Variants in ERCC6L observed in about 807,000 individuals in gnomAD.
The protein encoded by ERCC6L is DNA excision repair protein ERCC-6-like.
In ERCC6L, 7 loss-of-function variants were observed where a neutral mutation model predicts 20.1. The ratio of observed to expected loss-of-function variants is 0.35; its 90% CI spans 0.20 to 0.65. ERCC6L has a LOEUF of 0.65. ERCC6L is among the 30% of genes least tolerant of loss of function. The pLI is 0.69. For synonymous variants in ERCC6L, 278 were observed against 331.3 expected (o/e 0.84, Z 1.75); for missense variants, 592 against 892.4 (o/e 0.66, Z 4.29).
chrX:72,211,038 G>C (rs1472264599), intron 1 of ERCC6L, among the ~76,000 whole-genome samples: 2 of 112,067 alleles, frequency 1.8e-5, no homozygotes, highest in Non-Finnish European at 3.8e-5. Context: ...CTGATTATTT[G>C]CAAGACTAGA....
rs977140273 is a variant in ERCC6L at position 72,222,842 on chromosome X, C to T, written c.69-14144G>A. Among the ~76,000 whole-genome samples the T allele has an allele frequency of 1.8e-4, 19 of 106,287 alleles. No individual in the cohort carries two copies. The East Asian group carries it at 1.9e-3, about 10-fold the overall frequency. The allele number at this position is 106,287 out of a possible 115,157, so 92.3% of individuals were successfully genotyped here. On this transcript the variant is annotated intron_variant, in intron 1 of 1. Transcript: ENST00000334463. ...CGAACTCCTGACCTCGTGATCCACC[C>T]GCCTCGGCCTCCCAAAGTGCTGGGA...
At chrX:72,227,116 C>A (rs762739438) in intron 1 of ERCC6L, among the ~76,000 whole-genome samples, 1 of 111,924 alleles carries the variant, frequency 8.9e-6, no homozygotes, top group Non-Finnish European at 1.9e-5. Flanking sequence ...TAAAAAGGTT[C>A]GGTTTCTTCC....
At chrX:72,214,784 C>T (rs1391984630) in intron 1 of ERCC6L, among the ~76,000 whole-genome samples, 1 of 110,901 alleles carries the variant, frequency 9.0e-6, no homozygotes, top group Non-Finnish European at 1.9e-5. Context: ...GTCAGGAGTT[C>T]GAGATTAGCC....
intron 1 of ERCC6L, among the ~76,000 whole-genome samples, chrX:72,235,860 A>C (rs1433404862): frequency 1.8e-5 from 2 of 111,696 alleles, no homozygotes; most frequent in Non-Finnish European, 3.8e-5. Flanking sequence ...GGAGGCCATT[A>C]CTCTGCTTAC....
Position 72,206,722 on chromosome X carries a change from A to G in ERCC6L, c.2045T>C (p.Leu682Pro). ...SDHDLMYTCD[L>P]SVKEELDVVE... is the part of the protein sequence containing the mutation. ...CACATCAAGCTCTTCTTTAACAGAC[A>G]GATCACATGTGTACATCAAATCATG... is the stretch of plus-strand genomic sequence containing the variant. The change falls in exon 2 of 2, where the codon CTG becomes CCG. Residue 682 changes from leucine (L) to proline (P), a missense_variant. Transcript: ENST00000334463. 8.3e-7 allele frequency: 1 copy of G among 1,211,517 alleles called. No homozygotes were observed. The highest frequency in any genetic ancestry group is 1.1e-6 in the Non-Finnish European group (1 of 895,490).
At chrX:72,216,027 G>A (rs1206520601) in intron 1 of ERCC6L, among the ~76,000 whole-genome samples, 2 of 110,249 alleles carry the variant, frequency 1.8e-5, no homozygotes, top group Admixed American at 9.8e-5. Flanking sequence ...TTTTATCCAC[G>A]GGAGTGCCCT....
chrX:72,223,967 C>T (rs901630452), intron 1 of ERCC6L, among the ~76,000 whole-genome samples: 1 of 111,052 alleles, frequency 9.0e-6, no homozygotes, highest in Non-Finnish European at 1.9e-5. Context: ...AATGGATACA[C>T]CCTCCCTGTT....
At position 72,207,192 on chromosome X, in the gene ERCC6L, T is replaced by C. The variant is rs373424116; in HGVS notation, c.1575A>G (p.Gln525=). Residue 525 remains glutamine, a synonymous_variant, in exon 2 of 2, where the codon CAA becomes CAG. Coordinates refer to ENST00000334463, the MANE Select transcript of ERCC6L (RefSeq NM_017669.4). Reference sequence around the variant, plus strand: ...GCAGAAAAACAGAGTAATCTTTATTTTGCTGGAATAAGTTAATTCTTTTTT... The same window carrying C: ...GCAGAAAAACAGAGTAATCTTTATTCTGCTGGAATAAGTTAATTCTTTTTT... ...EREKRINLFQ[Q]NKDYSVFLLT... 1,378 of 1,209,824 alleles carry C rather than the reference T, an allele frequency of 1.1e-3. 17 individuals carry two copies. The South Asian group carries it at 0.023, about 20-fold the overall frequency.
chrX:72,229,101 C>A (rs1362969501), intron 1 of ERCC6L, among the ~76,000 whole-genome samples: 1 of 111,563 alleles, frequency 9.0e-6, no homozygotes, highest in Non-Finnish European at 1.9e-5. Flanking sequence ...ACGCCTCAAG[C>A]CTCAAGACTC....
intron 1 of ERCC6L, among the ~76,000 whole-genome samples, chrX:72,215,067 A>C (rs927370163): frequency 8.9e-6 from 1 of 112,373 alleles, no homozygotes; most frequent in Non-Finnish European, 1.9e-5. Flanking sequence ...AGAACAAACT[A>C]CTACATGTAT....
rs78660817 is a variant in ERCC6L at position 72,205,325 on chromosome X, C to T, written c.3442G>A (p.Gly1148Arg). 4.4e-4 allele frequency: 528 copies of T among 1,210,463 alleles called. 1 individual carries two copies. The highest frequency in any genetic ancestry group is 3.8e-4 in the Non-Finnish European group (340 of 895,364). ...TTGTTTTCTGAAGACAGTGTTTCTC[C>T]GGAAGGATCCTCTTCTGTATACTTG... is the stretch of plus-strand genomic sequence containing the variant. ...ASKYTEEDPS[G>R]ETLSSENKSS... Residue 1148 changes from glycine to arginine, a missense_variant, in exon 2 of 2, where the codon GGA becomes AGA. Gly to Arg is a moderately radical substitution (Grantham distance 125, BLOSUM62 -2). Around this residue, in one of 3 missense-constraint regions of ERCC6L, gnomAD observed 352 missense variants for 402.6 expected, o/e 0.87. Coordinates refer to ENST00000334463, the MANE Select transcript of ERCC6L (RefSeq NM_017669.4).
rs770176979 is a variant in ERCC6L at position 72,208,695 on chromosome X, A to G, written c.72T>C (p.Tyr24=). The stretch of plus-strand genomic sequence containing the variant: ...TAGTTGCTTCTTTGGCCTCTTTCAC[A>G]TATCTATAGAAAAAAAAAGAAGAAG... ...SPEQAAHYLR[Y]VKEAKEATKN... Residue 24 remains tyrosine, a synonymous_variant, in exon 2 of 2, where the codon TAT becomes TAC. Coordinates refer to ENST00000334463, the MANE Select transcript of ERCC6L (RefSeq NM_017669.4). 8 of 1,164,771 alleles carry G rather than the reference A, an allele frequency of 6.9e-6. No individual in the cohort carries two copies. Among genetic ancestry groups the G allele is most frequent in the African/African-American group, 3.6e-5 (2 of 55,157 alleles).
At chrX:72,212,269 CAAAAAA>C (rs201108348) in intron 1 of ERCC6L, among the ~76,000 whole-genome samples, 18 of 105,949 alleles carry the variant, frequency 1.7e-4, no homozygotes, top group African/African-American at 6.4e-4. Flanking sequence ...GACCCCATCT[CAAAAAA>C]AATAATAATA....
At position 72,238,917 on chromosome X, in the gene ERCC6L, T is replaced by C. The variant is rs1056617433; in HGVS notation, c.-6A>G. 6 of 1,187,821 alleles carry C rather than the reference T, an allele frequency of 5.1e-6. No individual in the cohort carries two copies. The Middle Eastern group carries it at 6.9e-4, about 137-fold the overall frequency. The stretch of plus-strand genomic sequence containing the variant: ...AACCTTCGGGATGCCTCCATGACCC[T>C]CGGATTGGGTTCCAGTTACCCCGGC... On this transcript the variant is annotated 5_prime_UTR_variant, in exon 1 of 2. Transcript: ENST00000334463.
chrX:72,212,590 T>C, intron 1 of ERCC6L, among the ~76,000 whole-genome samples: 1 of 111,985 alleles, frequency 8.9e-6, no homozygotes, highest in Non-Finnish European at 1.9e-5. Context: ...AGACACACAC[T>C]TGATTTTCCT....
In ERCC6L at chrX:72,238,955, C is replaced by CTTGGAGG. The variant is rs755252947; in HGVS notation, c.-45_-44insCCTCCAA. 42 of 933,837 alleles carry CTTGGAGG rather than the reference C, an allele frequency of 4.5e-5. No homozygotes were observed. In the African/African-American group the frequency reaches 7.3e-4, roughly 16 times the overall value. 77.0% of individuals were successfully genotyped at this position (933,837 alleles called of 1,213,427 possible). A position where few individuals can be genotyped will look rare whatever the true frequency, so the allele number is the denominator to read the frequency against. On this transcript the variant is annotated 5_prime_UTR_variant, in exon 1 of 2. It introduces an in-frame stop codon into an upstream open reading frame of the 5' UTR. Coordinates refer to ENST00000334463, the MANE Select transcript of ERCC6L (RefSeq NM_017669.4). ...CAGTTACCCCGGCGGGAGTTTGGAG[C>CTTGGAGG]TTGGAGCTTGGAGCTTGGAGCTTGG...
rs184693303 is a variant in ERCC6L at position 72,215,927 on chromosome X, C to G, written c.69-7229G>C. ...CTCAGTCTGCATCTTGAATTCCTCT[C>G]CATCCACATATCCCCTATAAAATGT... On this transcript the variant is annotated intron_variant, in intron 1 of 1. Coordinates refer to ENST00000334463, the MANE Select transcript of ERCC6L (RefSeq NM_017669.4). 5.8e-3 allele frequency among the ~76,000 whole-genome samples: 648 copies of G among 110,813 alleles called. 3 individuals carry two copies. Among genetic ancestry groups the G allele is most frequent in the Non-Finnish European group, 9.5e-3 (503 of 52,991 alleles).
rs779379313 is a variant in ERCC6L, at chrX:72,205,421, C to T, written c.3346G>A (p.Asp1116Asn). 1.4e-5 allele frequency: 17 copies of T among 1,210,366 alleles called. No homozygotes were observed. Among genetic ancestry groups the T allele is most frequent in the East Asian group, 1.2e-4 (4 of 33,791 alleles). ...HVEDMEERLD[D>N]SSEAKGPEDY... ...TCAGGACCCTTTGCTTCACTGCTGT[C>T]GTCAAGTCTTTCCTCCATGTCCTCC... The change falls in exon 2 of 2, where the codon GAC (aspartate) becomes AAC (asparagine). Residue 1116 changes from aspartate (D) to asparagine (N), a missense_variant. Around this residue, in one of 3 missense-constraint regions of ERCC6L, gnomAD observed 352 missense variants for 402.6 expected, o/e 0.87. Transcript: ENST00000334463.
intron 1 of ERCC6L, among the ~76,000 whole-genome samples, chrX:72,233,654 G>A (rs1404902099): frequency 9.6e-6 from 1 of 103,918 alleles, no homozygotes; most frequent in Admixed American, 1.1e-4. Context: ...CCCAGGAGGC[G>A]AAGTTTACAG....
Sources: allele counts gnomAD v4.1 joint callset (sites outside exome capture counted in the v4.1 genomes callset), GRCh38; gene constraint gnomAD v4.1.1; regional missense constraint gnomAD v4.1.1; transcripts MANE v1.5; gene names NCBI Gene and HGNC (gene_info 2026-07-23, HGNC 2026-07-21).